Variants in WDFY4 observed in about 807,000 individuals in gnomAD.
The protein encoded by WDFY4 is WDFY family member 4.
Under a neutral mutation model 351.9 loss-of-function variants are expected in WDFY4, and 169 were observed. The observed-to-expected ratio is 0.48, with a 90% CI of 0.42 to 0.55. The LOEUF is 0.55. WDFY4 is among the 20% of genes least tolerant of loss of function. The pLI is 0.00. For synonymous variants in WDFY4, 1,622 were observed against 1,574.6 expected (o/e 1.03, Z -0.71); for missense variants, 3,803 against 3,935.6 (o/e 0.97, Z 0.90).
chr10:48,825,148 T>A (rs2067952453), intron 35 of WDFY4, among the ~76,000 whole-genome samples: 1 of 152,170 alleles, frequency 6.6e-6, no homozygotes, highest in Non-Finnish European at 1.5e-5. Flanking sequence ...TGTGTGTTGT[T>A]CCTCTCCCTG....
At position 48,821,179 on chromosome 10, in the gene WDFY4, G is replaced by A; in HGVS notation, c.5824+3G>A. ...AGGTGATGCAGCGATGTTCAGAGGT[G>A]AGTGGGGCAACTCGGTCCCCTCCAT... On this transcript the variant is annotated splice_donor_region_variant and intron_variant, in intron 34 of 61. Coordinates refer to ENST00000325239, the MANE Select transcript of WDFY4 (RefSeq NM_001394531.1). 6.5e-7 allele frequency: 1 copy of A among 1,549,354 alleles called. No homozygotes were observed. Among genetic ancestry groups the A allele is most frequent in the Non-Finnish European group, 8.7e-7 (1 of 1,144,890 alleles).
intron 13 of WDFY4, among the ~76,000 whole-genome samples, chr10:48,764,721 T>C (rs1013252808): frequency 6.6e-6 from 1 of 152,258 alleles, no homozygotes; most frequent in Non-Finnish European, 1.5e-5. Context: ...TAGCTGCCCA[T>C]GTGATATGTT....
chr10:48,879,377 G>T (rs531758284), intron 43 of WDFY4, among the ~76,000 whole-genome samples: 2 of 152,176 alleles, frequency 1.3e-5, no homozygotes, highest in Non-Finnish European at 2.9e-5. Context: ...GTGTCAGAAA[G>T]GATCCATAGT....
intron 47 of WDFY4, among the ~76,000 whole-genome samples, chr10:48,916,314 G>T (rs1838526463): frequency 6.6e-6 from 1 of 152,226 alleles, no homozygotes; most frequent in Admixed American, 6.5e-5. Flanking sequence ...CCAAGGAACA[G>T]GAAATGGATT....
intron 39 of WDFY4, among the ~76,000 whole-genome samples, chr10:48,838,712 CT>C (rs369233410): frequency 9.2e-5 from 14 of 152,244 alleles, no homozygotes; most frequent in East Asian, 1.9e-4. Context: ...CACTTCCCCC[CT>C]ATGCACTGAA....
chr10:48,936,843 A>C (rs982586170), intron 47 of WDFY4, among the ~76,000 whole-genome samples: 1 of 151,346 alleles, frequency 6.6e-6, no homozygotes, highest in Non-Finnish European at 1.5e-5. Flanking sequence ...GTCTCAAAAA[A>C]AAAAAAAAGA....
Position 48,742,976 on chromosome 10 carries a change from C to T in WDFY4, c.1887C>T (p.Leu629=). The stretch of plus-strand genomic sequence containing the variant: ...TTTGCTTGGTGTTTCAGTCTCTGCT[C>T]CGGATCCTGGTGACCCCCAAGGGTC... ...QLKLDLLKSL[L]RILVTPKGRA... Residue 629 remains leucine, a synonymous_variant, in exon 12 of 62, where the codon CTC becomes CTT. Transcript: ENST00000325239. 6.5e-7 allele frequency: 1 copy of T among 1,545,568 alleles called. No individual in the cohort carries two copies. Among genetic ancestry groups the T allele is most frequent in the East Asian group, 2.5e-5 (1 of 40,776 alleles).
At chr10:48,720,352 A>G (rs1482663835) in intron 3 of WDFY4, among the ~76,000 whole-genome samples, 2 of 152,158 alleles carry the variant, frequency 1.3e-5, no homozygotes, top group Non-Finnish European at 1.5e-5. Flanking sequence ...AGACATAGAC[A>G]AACACACACA....
At chr10:48,789,313 G>A (rs781609444) in intron 21 of WDFY4, among the ~76,000 whole-genome samples, 19 of 152,226 alleles carry the variant, frequency 1.2e-4, no homozygotes, top group Non-Finnish European at 1.2e-4. Context: ...TAGCACTGAT[G>A]AAAATTTGCA....
chr10:48,832,562 C>T lies in WDFY4; in HGVS notation c.6527-11C>T. On this transcript the variant is annotated splice_polypyrimidine_tract_variant and intron_variant, in intron 38 of 61. Transcript: ENST00000325239. ...CTTCACCTCTGACATTCTTTGCTTC[C>T]CTTCCCTCAGCATCTGAGAAGAAGT... 8.5e-6 allele frequency: 13 copies of T among 1,537,724 alleles called. No individual in the cohort carries two copies. Among genetic ancestry groups the T allele is most frequent in the Non-Finnish European group, 1.1e-5 (13 of 1,138,008 alleles).
At chr10:48,961,257 T>A (rs578177762) in intron 53 of WDFY4, among the ~76,000 whole-genome samples, 1 of 152,100 alleles carries the variant, frequency 6.6e-6, no homozygotes, top group Non-Finnish European at 1.5e-5. Context: ...GGGCCAGAGA[T>A]GAATGTAACT....
At chr10:48,916,871 ATGTGTG>A (rs55891907) in intron 47 of WDFY4, among the ~76,000 whole-genome samples, 28,476 of 149,166 alleles carry the variant, frequency 0.19, 2,830 homozygotes, top group Middle Eastern at 0.24. Flanking sequence ...CTTTAAAAAT[ATGTGTG>A]TGTGTGTGTG....
At position 48,898,935 on chromosome 10, in the gene WDFY4, T is replaced by A. The variant is rs767599777; in HGVS notation, c.7438-1286T>A. Among the ~76,000 whole-genome samples, 13 of 151,252 alleles carry A rather than the reference T, an allele frequency of 8.6e-5. No homozygotes were observed. In the South Asian group the frequency reaches 1.0e-3, roughly 12 times the overall value. On this transcript the variant is annotated intron_variant, in intron 45 of 61. Transcript: ENST00000325239. ...TTGCCCTTCAGTGAGCGGGAGGCCGTGTCCTGCCTTTCCACTATTATACAT... is the reference window on the plus strand; with the variant it reads ...TTGCCCTTCAGTGAGCGGGAGGCCGAGTCCTGCCTTTCCACTATTATACAT...
chr10:48,778,510 T>G (rs1379770003), intron 17 of WDFY4, 101 bp from the exon 18 acceptor site: 1 of 1,165,456 alleles, frequency 8.6e-7, no homozygotes, highest in African/African-American at 1.5e-5. Context: ...AGACACCCAG[T>G]AGGTGCTGCA....
chr10:48,806,163 T>C (rs534003991), intron 27 of WDFY4, 68 bp downstream of exon 27: 8 of 1,472,286 alleles, frequency 5.4e-6, no homozygotes, highest in Middle Eastern at 1.7e-4. Context: ...AGGCCCACAT[T>C]GTGCAGAGGG....
intron 57 of WDFY4, among the ~76,000 whole-genome samples, chr10:48,971,071 A>G (rs1375515722): frequency 6.6e-6 from 1 of 152,236 alleles, no homozygotes; most frequent in African/African-American, 2.4e-5. Context: ...TTTGTCTAAC[A>G]CAAAACCCCA....
chr10:48,706,833 C>T (rs7912897), intron 1 of WDFY4, among the ~76,000 whole-genome samples: 128,145 of 152,218 alleles, frequency 0.84, 54,816 homozygotes, highest in East Asian at 0.92. Context: ...TTGGATATCA[C>T]TTAAGTGCCT....
At chr10:48,801,989 G>A (rs978205205) in intron 24 of WDFY4, among the ~76,000 whole-genome samples, 3 of 151,840 alleles carry the variant, frequency 2.0e-5, no homozygotes, top group African/African-American at 7.3e-5. Flanking sequence ...CAGGTGGATT[G>A]ACTTTGAAAA....
intron 38 of WDFY4, 53 bp downstream of exon 38, chr10:48,830,938 A>G: frequency 6.6e-7 from 1 of 1,517,960 alleles, no homozygotes; most frequent in Non-Finnish European, 8.9e-7. Context: ...TCACAGAGCC[A>G]GACTCCCGCA....
Sources: gnomAD v4.1 joint callset for allele counts (sites outside exome capture counted in the v4.1 genomes callset) on GRCh38, gnomAD v4.1.1 for gene constraint, MANE v1.5 for transcripts, NCBI Gene and HGNC (gene_info 2026-07-23, HGNC 2026-07-21) for gene names.